RHOJ: variants seen among roughly 807,000 people sequenced by gnomAD.
RHOJ encodes rho-related GTP-binding protein RhoJ.
Under a neutral mutation model 23.4 loss-of-function variants are expected in RHOJ, and 11 were observed. That is an observed-to-expected ratio of 0.47 (90% CI 0.30 to 0.78). The LOEUF is 0.78. Ranked by LOEUF, RHOJ falls within the 30% of genes least tolerant of loss-of-function variation. RHOJ has a pLI of 0.08. For synonymous variants in RHOJ, 102 were observed against 102.7 expected (o/e 0.99, Z 0.04); for missense variants, 254 against 273.4 (o/e 0.93, Z 0.50).
intron 1 of RHOJ, among the ~76,000 whole-genome samples, chr14:63,226,169 A>G (rs1394240368): frequency 2.0e-5 from 3 of 152,184 alleles, no homozygotes; most frequent in Non-Finnish European, 4.4e-5. Flanking sequence ...AACATTTATT[A>G]GCAGCTGAGA....
intron 2 of RHOJ, among the ~76,000 whole-genome samples, chr14:63,273,597 G>A (rs1001287320): frequency 1.3e-5 from 2 of 152,228 alleles, no homozygotes; most frequent in Non-Finnish European, 2.9e-5. Context: ...GTTATGGCTT[G>A]CAGCCAGATG....
chr14:63,230,900 G>A (rs1002891822), intron 1 of RHOJ, among the ~76,000 whole-genome samples: 9 of 145,980 alleles, frequency 6.2e-5, no homozygotes, highest in African/African-American at 2.4e-4. Context: ...GAGTGCAGTG[G>A]TGTGATCTCA....
intron 1 of RHOJ, among the ~76,000 whole-genome samples, chr14:63,259,326 C>T (rs1895233486): frequency 7.5e-6 from 1 of 132,578 alleles, no homozygotes; most frequent in Non-Finnish European, 1.5e-5. Context: ...ACCTACTGAC[C>T]CCAGGAGCCA....
chr14:63,205,524 T>G (rs1284635019), intron 1 of RHOJ, among the ~76,000 whole-genome samples: 1 of 152,252 alleles, frequency 6.6e-6, no homozygotes, highest in Non-Finnish European at 1.5e-5. Flanking sequence ...ACACTCATTT[T>G]TTCTATAACA....
At chr14:63,217,522 C>T (rs565923395) in intron 1 of RHOJ, among the ~76,000 whole-genome samples, 1 of 151,860 alleles carries the variant, frequency 6.6e-6, no homozygotes, top group African/African-American at 2.4e-5. Flanking sequence ...TTCCTTACAC[C>T]TTATACAAAA....
At chr14:63,272,311 T>C (rs775599225) in intron 2 of RHOJ, among the ~76,000 whole-genome samples, 1 of 150,280 alleles carries the variant, frequency 6.7e-6, no homozygotes, top group Non-Finnish European at 1.5e-5. Flanking sequence ...AGTTGTATTC[T>C]AGTAAATGTG....
intron 1 of RHOJ, among the ~76,000 whole-genome samples, chr14:63,246,847 A>C (rs1006209036): frequency 1.3e-5 from 2 of 152,192 alleles, no homozygotes; most frequent in Non-Finnish European, 2.9e-5. Context: ...TGGGCAGCTA[A>C]ATATATTCCA....
At chr14:63,277,002 T>A (rs1476016681) in intron 2 of RHOJ, among the ~76,000 whole-genome samples, 1 of 152,204 alleles carries the variant, frequency 6.6e-6, no homozygotes, top group African/African-American at 2.4e-5. Flanking sequence ...CATCCTGTGG[T>A]CAAACATTTT....
chr14:63,286,042 G>A (rs540224083), intron 4 of RHOJ, among the ~76,000 whole-genome samples: 37 of 152,238 alleles, frequency 2.4e-4, no homozygotes, highest in African/African-American at 8.7e-4. Flanking sequence ...TTCCTGCTGG[G>A]TTTTTAACAT....
chr14:63,205,192 C>A, intron 1 of RHOJ, 145 bp downstream of exon 1: 1 of 767,510 alleles, frequency 1.3e-6, no homozygotes, highest in Non-Finnish European at 2.1e-6. Flanking sequence ...GCATACAACC[C>A]AGGACTTGAC....
At chr14:63,263,639 C>T (rs1054972973) in intron 1 of RHOJ, among the ~76,000 whole-genome samples, 2 of 152,238 alleles carry the variant, frequency 1.3e-5, no homozygotes, top group Non-Finnish European at 2.9e-5. Flanking sequence ...AGCCACTACA[C>T]AGCAAAGCTG....
intron 3 of RHOJ, 146 bp downstream of exon 3, chr14:63,281,281 C>A (rs753066587): frequency 8.3e-6 from 6 of 720,328 alleles, no homozygotes; most frequent in Non-Finnish European, 1.2e-5. Context: ...TTAAGGTGTG[C>A]GTGATGATTT....
At chr14:63,245,294 T>C (rs1323024817) in intron 1 of RHOJ, among the ~76,000 whole-genome samples, 1 of 147,014 alleles carries the variant, frequency 6.8e-6, no homozygotes, top group Non-Finnish European at 1.5e-5. Flanking sequence ...CTTGCTTCAT[T>C]AAAAAAAAAA....
intron 2 of RHOJ, among the ~76,000 whole-genome samples, chr14:63,279,175 G>A (rs1881821619): frequency 6.6e-6 from 1 of 152,152 alleles, no homozygotes; most frequent in African/African-American, 2.4e-5. Flanking sequence ...TTTCTGAAAT[G>A]TTTCATGAAG....
At chr14:63,244,058 G>C (rs1894932360) in intron 1 of RHOJ, among the ~76,000 whole-genome samples, 1 of 152,160 alleles carries the variant, frequency 6.6e-6, no homozygotes, top group Non-Finnish European at 1.5e-5. Flanking sequence ...TTCTGAAACA[G>C]ATGATTCTAT....
chr14:63,275,127 C>T lies in RHOJ; in HGVS notation c.238-5844C>T, dbSNP rs565078644. On this transcript the variant is annotated intron_variant, in intron 2 of 4. Coordinates refer to ENST00000316754, the MANE Select transcript of RHOJ (RefSeq NM_020663.5). ...ACTGAATAAGAATTTGCACTTTAGC[C>T]TGGGCAACATAGCGAGACCCTATCT... is the stretch of plus-strand genomic sequence containing the variant. Among the ~76,000 whole-genome samples the T allele has an allele frequency of 1.1e-3, 162 of 152,184 alleles. 3 individuals are homozygous for T. The South Asian group carries it at 0.013, about 12-fold the overall frequency.
Position 63,215,775 on chromosome 14 carries a change from AT to A in RHOJ, c.178+10732del, listed in dbSNP as rs149863965. On this transcript the variant is annotated intron_variant, in intron 1 of 4. Transcript: ENST00000316754. ...CATTATAATTTTCTTTGTTTATTTA[AT>A]TTTCCATGGCTTGTCTCCCCCTAGA... is the stretch of plus-strand genomic sequence containing the variant. 7.1e-3 allele frequency among the ~76,000 whole-genome samples: 1,075 copies of A among 152,092 alleles called. 48 individuals carry two copies. The East Asian group carries it at 0.088, about 13-fold the overall frequency.
intron 2 of RHOJ, among the ~76,000 whole-genome samples, chr14:63,270,506 A>G (rs1460473061): frequency 6.6e-6 from 1 of 152,140 alleles, no homozygotes; most frequent in African/African-American, 2.4e-5. Flanking sequence ...GAGGCCCCCC[A>G]TGTGCTCCAA....
intron 1 of RHOJ, among the ~76,000 whole-genome samples, chr14:63,246,830 T>C (rs1026899470): frequency 1.3e-5 from 2 of 152,184 alleles, no homozygotes; most frequent in Non-Finnish European, 2.9e-5. Flanking sequence ...TGACGAGGAA[T>C]GGAGGGTGGG....
Sources: allele counts gnomAD v4.1 joint callset (sites outside exome capture counted in the v4.1 genomes callset), GRCh38; gene constraint gnomAD v4.1.1; transcripts MANE v1.5; gene names NCBI Gene and HGNC (gene_info 2026-07-23, HGNC 2026-07-21).